LRMDA: variants seen among roughly 807,000 people sequenced by gnomAD.
LRMDA encodes leucine-rich melanocyte differentiation-associated protein.
LRMDA carries 18 observed loss-of-function variants against 29.8 expected under a neutral mutation model. That is an observed-to-expected ratio of 0.60 (90% CI 0.42 to 0.90). The LOEUF (loss-of-function observed/expected upper bound fraction) is 0.90, where lower values mean the gene tolerates loss of function less well. Among genes scored for constraint, LRMDA ranks in the 40% least tolerant of loss-of-function variants. LRMDA has a pLI of 0.00. For missense variants in LRMDA, 273 were observed against 273.9 expected, an observed-to-expected ratio of 1.00 and a Z score of 0.02; for synonymous variants, 125 against 109.4, an observed-to-expected ratio of 1.14 and a Z score of -0.89.
intron 2 of LRMDA, among the ~76,000 whole-genome samples, chr10:76,007,458 A>T (rs572042310): frequency 1.3e-5 from 2 of 152,134 alleles, no homozygotes; most frequent in Non-Finnish European, 2.9e-5. Context: ...GATCTTGCTT[A>T]TTCATCTGCT....
intron 2 of LRMDA, among the ~76,000 whole-genome samples, chr10:75,452,528 T>C (rs1844473256): frequency 6.6e-6 from 1 of 150,780 alleles, no homozygotes; most frequent in African/African-American, 2.4e-5. Context: ...TTTAAAGCCT[T>C]ACCCTTGTCT....
chr10:75,573,611 T>C (rs913119793), intron 2 of LRMDA, among the ~76,000 whole-genome samples: 3 of 152,198 alleles, frequency 2.0e-5, no homozygotes, highest in African/African-American at 7.2e-5. Flanking sequence ...AGACTGTTTT[T>C]TAAGATGTTC....
At chr10:75,832,209 C>T (rs896733457) in intron 2 of LRMDA, among the ~76,000 whole-genome samples, 1 of 152,176 alleles carries the variant, frequency 6.6e-6, no homozygotes, top group African/African-American at 2.4e-5. Flanking sequence ...ATGCCTTTAA[C>T]AGCACCCAAG....
intron 2 of LRMDA, among the ~76,000 whole-genome samples, chr10:75,874,829 G>T (rs1046100695): frequency 6.6e-6 from 1 of 152,164 alleles, no homozygotes; most frequent in African/African-American, 2.4e-5. Context: ...AGAAGATGAG[G>T]TCCTCTGCTC....
chr10:76,115,096 A>G (rs188060521), intron 5 of LRMDA, among the ~76,000 whole-genome samples: 2 of 152,354 alleles, frequency 1.3e-5, no homozygotes, highest in East Asian at 1.9e-4. Context: ...TAGCATCCTA[A>G]GAGGGGAGCA....
intron 2 of LRMDA, among the ~76,000 whole-genome samples, chr10:75,830,840 C>T (rs1286603820): frequency 6.6e-6 from 1 of 152,162 alleles, no homozygotes; most frequent in Non-Finnish European, 1.5e-5. Flanking sequence ...AGCATTAACT[C>T]AAAAGTCCAC....
chr10:76,150,282 A>G (rs1478929283), intron 5 of LRMDA, among the ~76,000 whole-genome samples: 1 of 152,204 alleles, frequency 6.6e-6, no homozygotes, highest in Non-Finnish European at 1.5e-5. Context: ...GCCTTGTCAA[A>G]GGCTGGGCAT....
At chr10:75,799,806 T>C (rs1013227646) in intron 2 of LRMDA, among the ~76,000 whole-genome samples, 1 of 151,872 alleles carries the variant, frequency 6.6e-6, no homozygotes, top group Non-Finnish European at 1.5e-5. Context: ...TTGATGGAGT[T>C]TATGAAAACT....
At chr10:76,517,124 T>G (rs1843069785) in intron 6 of LRMDA, among the ~76,000 whole-genome samples, 1 of 151,998 alleles carries the variant, frequency 6.6e-6, no homozygotes, top group Non-Finnish European at 1.5e-5. Flanking sequence ...ATGAGAAAGT[T>G]TTTCATTCAA....
chr10:76,395,912 A>G (rs1409203811), intron 6 of LRMDA, among the ~76,000 whole-genome samples: 1 of 152,268 alleles, frequency 6.6e-6, no homozygotes, highest in Non-Finnish European at 1.5e-5. Flanking sequence ...AGATAGTACT[A>G]TACAATAGTG....
At chr10:75,988,739 A>C (rs1847306261) in intron 2 of LRMDA, among the ~76,000 whole-genome samples, 1 of 152,104 alleles carries the variant, frequency 6.6e-6, no homozygotes, top group Non-Finnish European at 1.5e-5. Context: ...AAGTGCTCCC[A>C]AGGCCCAGGA....
At chr10:76,116,911 G>A (rs1849676776) in intron 5 of LRMDA, among the ~76,000 whole-genome samples, 2 of 152,098 alleles carry the variant, frequency 1.3e-5, no homozygotes, top group Admixed American at 1.3e-4. Flanking sequence ...TTTCATCTCA[G>A]CCATTTTCCA....
At chr10:76,471,213 CTTT>C (rs1234729155) in intron 6 of LRMDA, among the ~76,000 whole-genome samples, 3 of 151,458 alleles carry the variant, frequency 2.0e-5, no homozygotes, top group Non-Finnish European at 3.0e-5. Flanking sequence ...CTCTTAGCTT[CTTT>C]AATAGACATA....
chr10:75,734,811 T>G lies in LRMDA; in HGVS notation c.131+296317T>G, dbSNP rs181473686. Among the ~76,000 whole-genome samples, 367 of 152,242 alleles carry G rather than the reference T, an allele frequency of 2.4e-3. 1 individual carries two copies. The highest frequency in any genetic ancestry group is 4.4e-3 in the Non-Finnish European group (300 of 67,998). The stretch of plus-strand genomic sequence containing the variant: ...GTGGCCAGGACTGGGAGAAAAAAAT[T>G]GAAGAGTTTTAAGACATGTATCAAG... On this transcript the variant is annotated intron_variant, in intron 2 of 6. Transcript: ENST00000611255.
At chr10:75,748,958 G>A (rs963123732) in intron 2 of LRMDA, among the ~76,000 whole-genome samples, 7 of 151,972 alleles carry the variant, frequency 4.6e-5, no homozygotes, top group Admixed American at 1.3e-4. Flanking sequence ...CACATTACAT[G>A]CAGGTAGATA....
intron 2 of LRMDA, among the ~76,000 whole-genome samples, chr10:75,916,164 A>AGG (rs756069662): frequency 8.0e-6 from 1 of 124,418 alleles, no homozygotes; most frequent in Admixed American, 7.9e-5. Context: ...TGCCAGGCCT[A>AGG]TGTGTGTGTG....
At position 75,749,576 on chromosome 10, in the gene LRMDA, G is replaced by C. The variant is rs115154597; in HGVS notation, c.132-286432G>C. ...GTAAAATGTATTTCTTTGAACATCTGAAATTATTGGTTTTTTGGTTAAAAA... is the reference window on the plus strand; with the variant it reads ...GTAAAATGTATTTCTTTGAACATCTCAAATTATTGGTTTTTTGGTTAAAAA... On this transcript the variant is annotated intron_variant, in intron 2 of 6. Transcript: ENST00000611255. 8.8e-3 allele frequency among the ~76,000 whole-genome samples: 1,323 copies of C among 150,750 alleles called. 19 individuals are homozygous for C. Among genetic ancestry groups the C allele is most frequent in the African/African-American group, 0.028 (1,143 of 40,952 alleles).
intron 2 of LRMDA, among the ~76,000 whole-genome samples, chr10:75,772,487 A>G (rs1398450844): frequency 1.3e-5 from 2 of 152,194 alleles, no homozygotes; most frequent in African/African-American, 4.8e-5. Flanking sequence ...AGGCTTATGT[A>G]ACATTTGACC....
intron 2 of LRMDA, among the ~76,000 whole-genome samples, chr10:75,879,217 G>A (rs556101795): frequency 3.3e-4 from 50 of 152,274 alleles, no homozygotes; most frequent in African/African-American, 1.1e-3. Flanking sequence ...TCTCACAAGG[G>A]GCAGCGAGGC....
Sources: allele counts gnomAD v4.1 joint callset (sites outside exome capture counted in the v4.1 genomes callset), GRCh38; gene constraint gnomAD v4.1.1; transcripts MANE v1.5; gene names NCBI Gene and HGNC (gene_info 2026-07-23, HGNC 2026-07-21).